The following NUFIP1 variants were observed in gnomAD, a reference collection of about 807,000 sequenced individuals.
NUFIP1 encodes FMR1-interacting protein NUFIP1.
In NUFIP1, 38 loss-of-function variants were observed where a neutral mutation model predicts 56.2. The ratio of observed to expected loss-of-function variants is 0.68; its 90% CI spans 0.52 to 0.89. NUFIP1 has a LOEUF of 0.89. Ranked by LOEUF, NUFIP1 falls within the 40% of genes least tolerant of loss-of-function variation. NUFIP1 has a pLI of 0.00. For missense variants in NUFIP1, 567 were observed against 605.8 expected (o/e 0.94, Z 0.67); for synonymous variants, 215 against 212.4 (o/e 1.01, Z -0.10).
At position 44,984,831 on chromosome 13, in the gene NUFIP1, G is replaced by A. The variant is rs183191824; in HGVS notation, c.413-2677C>T. On this transcript the variant is annotated intron_variant, in intron 1 of 9. Coordinates refer to ENST00000379161, the MANE Select transcript of NUFIP1 (RefSeq NM_012345.3). ...CCATTAACTCGTCATTTAGCATTAG[G>A]TATATCTCCTAATGCTATACCTCCC... 1.9e-3 allele frequency among the ~76,000 whole-genome samples: 296 copies of A among 151,988 alleles called. 1 individual carries two copies. The highest frequency in any genetic ancestry group is 3.2e-3 in the Non-Finnish European group (220 of 67,984).
At chr13:44,953,046 A>G (rs1373349403) in intron 7 of NUFIP1, among the ~76,000 whole-genome samples, 1 of 152,176 alleles carries the variant, frequency 6.6e-6, no homozygotes, top group Non-Finnish European at 1.5e-5. Context: ...CAGGTCCATA[A>G]TATCAGTAGG....
intron 1 of NUFIP1, 47 bp downstream of exon 1, chr13:44,988,977 AC>A: frequency 6.3e-7 from 1 of 1,590,156 alleles, no homozygotes; most frequent in South Asian, 1.1e-5. Context: ...AGAGGAAAGA[AC>A]GGGGGAAAAA....
In NUFIP1 at chr13:44,962,971, TATG is replaced by T. The variant is rs150653054; in HGVS notation, c.827+2870_827+2872del. Among the ~76,000 whole-genome samples, 762 of 152,282 alleles carry T rather than the reference TATG, an allele frequency of 5.0e-3. 10 individuals are homozygous for T. The highest frequency in any genetic ancestry group is 0.018 in the African/African-American group (741 of 41,562). On this transcript the variant is annotated intron_variant, in intron 6 of 9. Coordinates refer to ENST00000379161, the MANE Select transcript of NUFIP1 (RefSeq NM_012345.3). ...TATCTAAGTTTGTTTAAGTATACTCTATGATATTCATAACGACAAAATTTCCTA... is the reference window on the plus strand; with the variant it reads ...TATCTAAGTTTGTTTAAGTATACTCTATATTCATAACGACAAAATTTCCTA...
At position 44,940,179 on chromosome 13, in the gene NUFIP1, A is replaced by C. The variant is rs1323493731; in HGVS notation, c.*1027T>G. 1 of 152,194 alleles carries C rather than the reference A, an allele frequency of 6.6e-6. No homozygotes were observed. Among genetic ancestry groups the C allele is most frequent in the African/African-American group, 2.4e-5 (1 of 41,452 alleles). 9.4% of individuals were successfully genotyped at this position (152,194 alleles called of 1,614,324 possible). ...AAAATATGGGGCTCACTGGAGGAGTAGGGTGAAACAGAATAAACAGATCTG... is the reference window on the plus strand; with the variant it reads ...AAAATATGGGGCTCACTGGAGGAGTCGGGTGAAACAGAATAAACAGATCTG... On this transcript the variant is annotated 3_prime_UTR_variant, in exon 10 of 10. Transcript: ENST00000379161.
chr13:44,954,521 C>T (rs1417188040), intron 7 of NUFIP1, among the ~76,000 whole-genome samples: 2 of 152,054 alleles, frequency 1.3e-5, no homozygotes, highest in African/African-American at 4.8e-5. Context: ...ATAACATTGC[C>T]CTTTGAATGC....
At chr13:44,969,898 C>T (rs2137913634) in intron 5 of NUFIP1, among the ~76,000 whole-genome samples, 1 of 152,212 alleles carries the variant, frequency 6.6e-6, no homozygotes, top group East Asian at 1.9e-4. Context: ...ACCACAACTG[C>T]TTCCACACAA....
At chr13:44,965,544 A>C (rs1164721586) in intron 6 of NUFIP1, among the ~76,000 whole-genome samples, 2 of 152,076 alleles carry the variant, frequency 1.3e-5, no homozygotes, top group Non-Finnish European at 2.9e-5. Flanking sequence ...AAATACAAAA[A>C]TTAGCTGGGC....
chr13:44,964,494 A>C (rs1490650116), intron 6 of NUFIP1, among the ~76,000 whole-genome samples: 1 of 152,218 alleles, frequency 6.6e-6, no homozygotes, highest in African/African-American at 2.4e-5. Flanking sequence ...GAGTTTCCAG[A>C]CTGCGGAGAA....
At chr13:44,950,490 C>T (rs910327656) in intron 7 of NUFIP1, among the ~76,000 whole-genome samples, 1 of 152,128 alleles carries the variant, frequency 6.6e-6, no homozygotes, top group Non-Finnish European at 1.5e-5. Context: ...GGATCACAGG[C>T]GTGTGCCACT....
At chr13:44,980,374 A>G (rs952476081) in intron 3 of NUFIP1, among the ~76,000 whole-genome samples, 1 of 152,244 alleles carries the variant, frequency 6.6e-6, no homozygotes, top group Non-Finnish European at 1.5e-5. Context: ...GCACAGCCAC[A>G]TTACACAGTA....
chr13:44,948,832 A>C (rs563706606), intron 8 of NUFIP1, among the ~76,000 whole-genome samples: 2 of 152,342 alleles, frequency 1.3e-5, no homozygotes, highest in Admixed American at 6.5e-5. Context: ...TTTAAAGGTA[A>C]GACATGTATT....
intron 6 of NUFIP1, among the ~76,000 whole-genome samples, chr13:44,963,926 T>C (rs182785025): frequency 2.4e-4 from 37 of 152,354 alleles, no homozygotes; most frequent in Non-Finnish European, 3.5e-4. Flanking sequence ...TATTTATCCC[T>C]AATAACACAT....
At chr13:44,951,506 A>G (rs982280690) in intron 7 of NUFIP1, among the ~76,000 whole-genome samples, 4 of 152,214 alleles carry the variant, frequency 2.6e-5, no homozygotes, top group African/African-American at 9.6e-5. Context: ...TCCCACAGAC[A>G]AAGTCTTCTT....
intron 1 of NUFIP1, among the ~76,000 whole-genome samples, chr13:44,983,225 G>C (rs1422851233): frequency 6.6e-6 from 1 of 152,054 alleles, no homozygotes; most frequent in Non-Finnish European, 1.5e-5. Flanking sequence ...GGCCAGCCTA[G>C]AGTGCAGTGG....
intron 2 of NUFIP1, among the ~76,000 whole-genome samples, chr13:44,981,204 C>T (rs1593370570): frequency 1.3e-5 from 2 of 152,170 alleles, no homozygotes; most frequent in African/African-American, 2.4e-5. Flanking sequence ...CCTTGAACAA[C>T]ACAGGTTTGA....
intron 5 of NUFIP1, among the ~76,000 whole-genome samples, chr13:44,970,738 G>A (rs1233059018): frequency 2.0e-5 from 3 of 152,194 alleles, no homozygotes; most frequent in African/African-American, 2.4e-5. Context: ...ACAGTGGCAC[G>A]ACCTTGGCTC....
Position 44,969,794 on chromosome 13 carries a change from CA to C in NUFIP1, c.735-3859del, listed in dbSNP as rs1182539226. 6.6e-5 allele frequency among the ~76,000 whole-genome samples: 10 copies of C among 152,292 alleles called. No homozygotes were observed. The South Asian group carries it at 2.1e-3, about 32-fold the overall frequency. ...ACCATTCTGGTCACATTATTCTCTC[CA>C]ATTTTTTCCTTATGCTCAAATCACG... On this transcript the variant is annotated intron_variant, in intron 5 of 9. Transcript: ENST00000379161.
chr13:44,969,122 T>C (rs1213287283), intron 5 of NUFIP1, among the ~76,000 whole-genome samples: 1 of 152,174 alleles, frequency 6.6e-6, no homozygotes, highest in East Asian at 1.9e-4. Flanking sequence ...AGTTGTAAGA[T>C]TTTATTTTTC....
In NUFIP1 at chr13:44,940,356, T is replaced by C. The variant is rs1870691718; in HGVS notation, c.*850A>G. On this transcript the variant is annotated 3_prime_UTR_variant, in exon 10 of 10. Coordinates refer to ENST00000379161, the MANE Select transcript of NUFIP1 (RefSeq NM_012345.3). ...TATCAGCTTTCTTACCTTTCTTCCT[T>C]GACAGCAAGATTCATGAACTTCAAT... The C allele has an allele frequency of 6.6e-6, 1 of 152,340 alleles. No individual in the cohort carries two copies. The highest frequency in any genetic ancestry group is 1.5e-5 in the Non-Finnish European group (1 of 68,026). 9.4% of individuals were successfully genotyped at this position (152,340 alleles called of 1,614,324 possible).
Sources: allele counts gnomAD v4.1 joint callset (sites outside exome capture counted in the v4.1 genomes callset), GRCh38; gene constraint gnomAD v4.1.1; transcripts MANE v1.5; gene names NCBI Gene and HGNC (gene_info 2026-07-23, HGNC 2026-07-21).